The following RRAS2 variants were observed in gnomAD, a reference collection of about 807,000 sequenced individuals.
RRAS2 encodes the protein RAS related 2.
A neutral mutation model predicts 27.6 loss-of-function variants in RRAS2; 7 were observed. That is an observed-to-expected ratio of 0.25 (90% CI 0.14 to 0.48). RRAS2 has a LOEUF of 0.48. Among genes scored for constraint, RRAS2 ranks in the 20% least tolerant of loss-of-function variants. RRAS2 has a pLI of 0.99. For missense variants in RRAS2, 178 were observed against 256.2 expected (o/e 0.69, Z 2.08); for synonymous variants, 86 against 90.9 (o/e 0.95, Z 0.31).
chr11:14,291,843 G>A (rs1240229103), intron 4 of RRAS2, among the ~76,000 whole-genome samples: 1 of 152,086 alleles, frequency 6.6e-6, no homozygotes, highest in African/African-American at 2.4e-5. Context: ...AAAATGCATG[G>A]GACCAGAAGT....
intron 1 of RRAS2, among the ~76,000 whole-genome samples, chr11:14,334,484 T>C (rs1288896434): frequency 6.6e-6 from 1 of 151,986 alleles, no homozygotes; most frequent in East Asian, 1.9e-4. Context: ...ATGTAACCTA[T>C]TCAATTACTG....
intron 1 of RRAS2, among the ~76,000 whole-genome samples, chr11:14,343,790 C>T (rs1395511581): frequency 2.0e-5 from 3 of 151,452 alleles, no homozygotes; most frequent in South Asian, 2.1e-4. Flanking sequence ...GCCGAGATCG[C>T]GCCAATGCAC....
intron 1 of RRAS2, among the ~76,000 whole-genome samples, chr11:14,296,553 T>G (rs970554392): frequency 6.6e-6 from 1 of 152,196 alleles, no homozygotes; most frequent in African/African-American, 2.4e-5. Context: ...ATTATAATCA[T>G]CAGTCCTAAG....
At chr11:14,299,440 T>C (rs769292320) in intron 1 of RRAS2, among the ~76,000 whole-genome samples, 1 of 152,230 alleles carries the variant, frequency 6.6e-6, no homozygotes, top group Non-Finnish European at 1.5e-5. Flanking sequence ...TGTACATATA[T>C]GAATTATACC....
intron 1 of RRAS2, among the ~76,000 whole-genome samples, chr11:14,318,638 C>T (rs1848163193): frequency 6.6e-6 from 1 of 152,176 alleles, no homozygotes; most frequent in African/African-American, 2.4e-5. Context: ...AGGTGCAGCA[C>T]TACCTGTGTC....
At chr11:14,323,546 C>A (rs1488678064) in intron 1 of RRAS2, among the ~76,000 whole-genome samples, 1 of 151,940 alleles carries the variant, frequency 6.6e-6, no homozygotes, top group Non-Finnish European at 1.5e-5. Context: ...CTTCCCCCCA[C>A]CGGCACACAC....
intron 1 of RRAS2, among the ~76,000 whole-genome samples, chr11:14,302,965 G>A (rs117251479): frequency 0.031 from 4,695 of 152,292 alleles, 88 homozygotes; most frequent in South Asian, 0.067. Context: ...AACTTTGCAG[G>A]ATTGTTGTGA....
intron 1 of RRAS2, among the ~76,000 whole-genome samples, chr11:14,340,556 T>C (rs1219343530): frequency 2.0e-5 from 3 of 152,298 alleles, no homozygotes; most frequent in African/African-American, 7.2e-5. Flanking sequence ...ATGAGAAGAA[T>C]GGCTCTGCTA....
chr11:14,311,870 T>C (rs1847977804), intron 1 of RRAS2, among the ~76,000 whole-genome samples: 1 of 151,868 alleles, frequency 6.6e-6, no homozygotes, highest in African/African-American at 2.4e-5. Context: ...TGAAAAACTT[T>C]TTTTTTTTTC....
rs1554955842 is a variant in RRAS2, at chr11:14,358,772, C to T, written c.99G>A (p.Gln33=). The change falls in exon 1 of 6, where the codon CAG becomes CAA. Residue 33 remains glutamine, a synonymous_variant. Coordinates refer to ENST00000256196, the MANE Select transcript of RRAS2 (RefSeq NM_012250.6). The surrounding 1 kb of genome is among the most constrained non-coding windows in gnomAD (Gnocchi z 5.1). ...GGVGKSALTI[Q]FIQSYFVTDY... is the part of the protein sequence containing the mutation. Reference sequence around the variant, plus strand: ...GGCCCGCTCCAGGTACCTGGATGAACTGGATGGTGAGCGCCGACTTGCCCA... The same window carrying T: ...GGCCCGCTCCAGGTACCTGGATGAATTGGATGGTGAGCGCCGACTTGCCCA... 6.9e-7 allele frequency: 1 copy of T among 1,453,918 alleles called. No individual in the cohort carries two copies. The highest frequency in any genetic ancestry group is 1.3e-5 in the South Asian group (1 of 77,796). 90.1% of individuals were successfully genotyped at this position (1,453,918 alleles called of 1,614,324 possible).
intron 5 of RRAS2, among the ~76,000 whole-genome samples, chr11:14,281,071 C>T (rs782587936): frequency 1.3e-5 from 2 of 152,204 alleles, no homozygotes; most frequent in Non-Finnish European, 2.9e-5. Context: ...TCTCTACTAC[C>T]TGGTTTACTC....
rs368342486 is a variant in RRAS2, at chr11:14,314,275, T to C, written c.109-18420A>G. On this transcript the variant is annotated intron_variant, in intron 1 of 5. Transcript: ENST00000256196. ...TTCTGATCTAATTTTAACATAAGCC[T>C]TATAATTGAAACATACAAATGGGAA... 2.6e-5 allele frequency among the ~76,000 whole-genome samples: 4 copies of C among 152,302 alleles called. No homozygotes were observed. In the East Asian group the frequency reaches 5.8e-4, roughly 22 times the overall value.
chr11:14,323,888 T>A (rs1345119835), intron 1 of RRAS2, among the ~76,000 whole-genome samples: 4 of 152,012 alleles, frequency 2.6e-5, no homozygotes, highest in East Asian at 3.9e-4. Flanking sequence ...TAGACTTTTT[T>A]AAAATTATAA....
intron 1 of RRAS2, among the ~76,000 whole-genome samples, chr11:14,357,497 C>T (rs782363190): frequency 2.0e-5 from 3 of 152,214 alleles, no homozygotes; most frequent in Non-Finnish European, 2.9e-5. Context: ...AATAAGCATA[C>T]TGTAAATGCT....
In RRAS2 at chr11:14,358,752, G is replaced by A; in HGVS notation, c.108+11C>T. The A allele has an allele frequency of 2.9e-6, 4 of 1,394,996 alleles. No individual in the cohort carries two copies. In the South Asian group the frequency reaches 4.4e-5, roughly 15 times the overall value. The allele number at this position is 1,394,996 out of a possible 1,614,324, so 86.4% of individuals were successfully genotyped here. ...CCGCTCCGGCGCCCCGGGCAGGCCC[G>A]CTCCAGGTACCTGGATGAACTGGAT... On this transcript the variant is annotated intron_variant, in intron 1 of 5. Coordinates refer to ENST00000256196, the MANE Select transcript of RRAS2 (RefSeq NM_012250.6). This position sits in a 1 kb window ranked among gnomAD's most constrained non-coding sequence, Gnocchi z 5.1.
chr11:14,280,988 C>A (rs1849518552), intron 5 of RRAS2, among the ~76,000 whole-genome samples: 1 of 152,112 alleles, frequency 6.6e-6, no homozygotes, highest in Admixed American at 6.5e-5. Flanking sequence ...ACCAAAAGGC[C>A]CCCTATGGCA....
chr11:14,337,822 G>C (rs1848618211), intron 1 of RRAS2, among the ~76,000 whole-genome samples: 1 of 152,134 alleles, frequency 6.6e-6, no homozygotes, highest in Non-Finnish European at 1.5e-5. Context: ...ATTGTTCTGG[G>C]ATGAAGGAGA....
At chr11:14,283,425 A>C (rs1375723860) in intron 4 of RRAS2, among the ~76,000 whole-genome samples, 2 of 152,162 alleles carry the variant, frequency 1.3e-5, no homozygotes. Context: ...GCTTCACATA[A>C]GTTGCAAAGA....
chr11:14,335,231 T>C (rs1848566451), intron 1 of RRAS2, among the ~76,000 whole-genome samples: 1 of 152,096 alleles, frequency 6.6e-6, no homozygotes, highest in Admixed American at 6.5e-5. Context: ...GCTTCCAGAG[T>C]CCCACCTTGA....
Sources: gnomAD v4.1 joint callset for allele counts (sites outside exome capture counted in the v4.1 genomes callset) on GRCh38, gnomAD v4.1.1 for gene constraint, Gnocchi (gnomAD v3.1) non-coding constraint, MANE v1.5 for transcripts, NCBI Gene and HGNC (gene_info 2026-07-23, HGNC 2026-07-21) for gene names.